The following LUZP2 variants were observed in gnomAD, a reference collection of about 807,000 sequenced individuals.
LUZP2 encodes the protein leucine zipper protein 2.
Under a neutral mutation model 51.6 loss-of-function variants are expected in LUZP2, and 52 were observed. That is an observed-to-expected ratio of 1.01 (90% CI 0.81 to 1.27). LUZP2 has a LOEUF of 1.27. LUZP2 is among the 50% of genes most tolerant of loss of function. The probability of loss-of-function intolerance (pLI) is 0.00; values close to 1 mark genes in which losing one functional copy is unlikely to be tolerated. For missense variants in LUZP2, 436 were observed against 395.4 expected, an observed-to-expected ratio of 1.10 and a Z score of -0.87; for synonymous variants, 154 against 137.3, an observed-to-expected ratio of 1.12 and a Z score of -0.85.
intron 1 of LUZP2, among the ~76,000 whole-genome samples, chr11:24,647,408 C>G (rs1855496512): frequency 6.6e-6 from 1 of 151,864 alleles, no homozygotes; most frequent in South Asian, 2.1e-4. Flanking sequence ...AGAAAAGAAA[C>G]TTCATGCTGA....
At chr11:24,523,882 G>A (rs1850720164) in intron 1 of LUZP2, among the ~76,000 whole-genome samples, 1 of 151,630 alleles carries the variant, frequency 6.6e-6, no homozygotes, top group Non-Finnish European at 1.5e-5. Context: ...TTATATTTAA[G>A]TAAAGAAAAA....
At chr11:24,885,899 C>A (rs941852264) in intron 5 of LUZP2, among the ~76,000 whole-genome samples, 1 of 152,106 alleles carries the variant, frequency 6.6e-6, no homozygotes, top group East Asian at 1.9e-4. Context: ...ATATTCTATT[C>A]CCTATCTGAG....
chr11:24,516,215 T>C (rs11027969), intron 1 of LUZP2, among the ~76,000 whole-genome samples: 20,976 of 152,176 alleles, frequency 0.14, 2,430 homozygotes, highest in African/African-American at 0.32. Context: ...TTAATATATG[T>C]TACTTTTCTT....
At chr11:24,512,753 G>GTTT (rs752175146) in intron 1 of LUZP2, among the ~76,000 whole-genome samples, 1 of 140,842 alleles carries the variant, frequency 7.1e-6, no homozygotes, top group African/African-American at 2.6e-5. Context: ...TTTTTTCTTT[G>GTTT]TTTTTTTTTT....
At chr11:24,889,628 C>T (rs1440092326) in intron 5 of LUZP2, among the ~76,000 whole-genome samples, 1 of 152,190 alleles carries the variant, frequency 6.6e-6, no homozygotes, top group Non-Finnish European at 1.5e-5. Context: ...AGAAGAATCT[C>T]AGTATGGTCT....
intron 5 of LUZP2, among the ~76,000 whole-genome samples, chr11:24,903,131 A>C (rs1853329038): frequency 6.6e-6 from 1 of 152,194 alleles, no homozygotes. Flanking sequence ...TTATTTTGCT[A>C]CAACCTGAGC....
chr11:25,025,806 G>T (rs1015138634), intron 9 of LUZP2, among the ~76,000 whole-genome samples: 1 of 152,092 alleles, frequency 6.6e-6, no homozygotes, highest in African/African-American at 2.4e-5. Context: ...TATACCCAAA[G>T]GATTATAAAT....
intron 9 of LUZP2, among the ~76,000 whole-genome samples, chr11:25,019,886 T>G (rs1857281505): frequency 2.0e-5 from 3 of 150,820 alleles, no homozygotes. Flanking sequence ...TGACTCTAGA[T>G]TTTCACATAT....
At chr11:24,700,170 T>C (rs944067369) in intron 1 of LUZP2, among the ~76,000 whole-genome samples, 1 of 149,852 alleles carries the variant, frequency 6.7e-6, no homozygotes. Context: ...CAAGCAAGTC[T>C]CTTGCCTCAG....
At chr11:24,939,581 C>T (rs1194918513) in intron 7 of LUZP2, among the ~76,000 whole-genome samples, 1 of 151,902 alleles carries the variant, frequency 6.6e-6, no homozygotes, top group Non-Finnish European at 1.5e-5. Context: ...GAAAAAAATC[C>T]AGTGATTAAG....
intron 7 of LUZP2, among the ~76,000 whole-genome samples, chr11:24,957,196 C>T (rs999361959): frequency 2.6e-5 from 4 of 152,026 alleles, no homozygotes; most frequent in Non-Finnish European, 4.4e-5. Context: ...TGTTATCTTT[C>T]GCTTATTCTC....
intron 7 of LUZP2, among the ~76,000 whole-genome samples, chr11:24,937,047 AACACACACAC>A (rs138164177): frequency 1.3e-4 from 20 of 149,690 alleles, no homozygotes; most frequent in African/African-American, 4.6e-4. Context: ...TGCAATGAGA[AACACACACAC>A]ACACACACAC....
At chr11:24,599,789 TG>T (rs1320716155) in intron 1 of LUZP2, among the ~76,000 whole-genome samples, 1 of 152,218 alleles carries the variant, frequency 6.6e-6, no homozygotes, top group East Asian at 1.9e-4. Context: ...CTTACTATTT[TG>T]GTGAAACTAC....
intron 1 of LUZP2, among the ~76,000 whole-genome samples, chr11:24,695,886 CT>C (rs980169468): frequency 3.3e-5 from 5 of 149,322 alleles, no homozygotes; most frequent in African/African-American, 1.2e-4. Context: ...ATATACTTTT[CT>C]AAAAAAAAAA....
At chr11:24,881,586 G>A (rs1003914411) in intron 5 of LUZP2, among the ~76,000 whole-genome samples, 5 of 152,036 alleles carry the variant, frequency 3.3e-5, no homozygotes, top group Non-Finnish European at 7.4e-5. Flanking sequence ...TCAGAGAAAA[G>A]TAACATTTAC....
In LUZP2 at chr11:24,820,272, G is replaced by C. The variant is rs548698377; in HGVS notation, c.396+56964G>C. On this transcript the variant is annotated intron_variant, in intron 5 of 11. Coordinates refer to ENST00000336930, the MANE Select transcript of LUZP2 (RefSeq NM_001009909.4). ...CACTCACAGGAGCTCATTATTCAGA[G>C]CCTGAAAGGAAACAACAGAGAAGAG... 7.9e-5 allele frequency among the ~76,000 whole-genome samples: 12 copies of C among 152,286 alleles called. No individual in the cohort carries two copies. The South Asian group carries it at 2.5e-3, about 32-fold the overall frequency.
intron 5 of LUZP2, among the ~76,000 whole-genome samples, chr11:24,775,039 A>C (rs1465108809): frequency 6.6e-6 from 1 of 151,568 alleles, no homozygotes; most frequent in East Asian, 1.9e-4. Context: ...TACAATAATA[A>C]TTTCTAAAAT....
At chr11:24,916,040 ATGCT>A (rs1853779693) in intron 7 of LUZP2, among the ~76,000 whole-genome samples, 1 of 151,964 alleles carries the variant, frequency 6.6e-6, no homozygotes, top group South Asian at 2.1e-4. Flanking sequence ...TGAAGAAGTA[ATGCT>A]TGCTGTCAAA....
chr11:24,993,870 G>C (rs907610416), intron 9 of LUZP2, among the ~76,000 whole-genome samples: 1 of 151,422 alleles, frequency 6.6e-6, no homozygotes, highest in South Asian at 2.1e-4. Context: ...TTTTTGGGGG[G>C]GGTGTGGGGG....
Sources: allele counts gnomAD v4.1 joint callset (sites outside exome capture counted in the v4.1 genomes callset), GRCh38; gene constraint gnomAD v4.1.1; transcripts MANE v1.5; gene names NCBI Gene and HGNC (gene_info 2026-07-23, HGNC 2026-07-21).